The following NARS2 variants were observed in gnomAD, a reference collection of about 807,000 sequenced individuals.
The protein encoded by NARS2 is asparaginyl-tRNA synthetase 2, mitochondrial.
NARS2 carries 60 observed loss-of-function variants against 62.9 expected under a neutral mutation model. The ratio of observed to expected loss-of-function variants is 0.95; its 90% CI spans 0.77 to 1.18. The LOEUF (loss-of-function observed/expected upper bound fraction) is 1.18, where lower values mean the gene tolerates loss of function less well. NARS2 is among the 50% of genes most tolerant of loss of function. NARS2 has a pLI of 0.00. For missense variants in NARS2, 619 were observed against 576.4 expected (o/e 1.07, Z -0.76); for synonymous variants, 196 against 200.0 (o/e 0.98, Z 0.17).
chr11:78,510,458 C>T (rs1344990472), intron 6 of NARS2, among the ~76,000 whole-genome samples: 1 of 151,798 alleles, frequency 6.6e-6, no homozygotes, highest in East Asian at 1.9e-4. Flanking sequence ...TAATGATGGA[C>T]CATCAAATAT....
chr11:78,478,291 T>C (rs940100795), intron 9 of NARS2, 147 bp downstream of exon 9: 7 of 250,180 alleles, frequency 2.8e-5, no homozygotes, highest in Non-Finnish European at 7.7e-6. Context: ...ATCTGGGGAG[T>C]GTCTATATAT....
chr11:78,474,150 G>C (rs1858989060), intron 9 of NARS2, among the ~76,000 whole-genome samples: 1 of 152,156 alleles, frequency 6.6e-6, no homozygotes, highest in Non-Finnish European at 1.5e-5. Context: ...TGCAGAAAGA[G>C]TGTTTTCAAA....
At chr11:78,568,391 A>C (rs1856810462) in intron 3 of NARS2, among the ~76,000 whole-genome samples, 1 of 152,218 alleles carries the variant, frequency 6.6e-6, no homozygotes, top group Non-Finnish European at 1.5e-5. Context: ...CATGCTTGTA[A>C]AAGCAGCAAG....
intron 6 of NARS2, among the ~76,000 whole-genome samples, chr11:78,494,214 T>A (rs529525627): frequency 1.3e-5 from 2 of 152,324 alleles, no homozygotes; most frequent in South Asian, 4.1e-4. Context: ...CTTTAATACT[T>A]ATTGTTTCCC....
At chr11:78,529,574 ATT>A (rs1237905772) in intron 5 of NARS2, among the ~76,000 whole-genome samples, 2 of 152,204 alleles carry the variant, frequency 1.3e-5, no homozygotes, top group African/African-American at 4.8e-5. Context: ...GCCATTCAAC[ATT>A]TGTTAAGAGT....
intron 6 of NARS2, among the ~76,000 whole-genome samples, chr11:78,496,233 T>C (rs934210335): frequency 1.3e-5 from 2 of 152,250 alleles, no homozygotes; most frequent in South Asian, 4.1e-4. Flanking sequence ...ATGATCACCC[T>C]ATGTCAGTAT....
rs561797737 is a variant in NARS2 at position 78,479,360 on chromosome 11, AGCTGG to A, written c.823-682_823-678del. The stretch of plus-strand genomic sequence containing the variant: ...CTCTACAAAAATAAAAAGAAAAATT[AGCTGG>A]GCATAGTGGTGTGTGCACCTGTAGT... On this transcript the variant is annotated intron_variant, in intron 7 of 13. Coordinates refer to ENST00000281038, the MANE Select transcript of NARS2 (RefSeq NM_024678.6). 1.1e-4 allele frequency among the ~76,000 whole-genome samples: 17 copies of A among 152,274 alleles called. No individual in the cohort carries two copies. In the East Asian group the frequency reaches 3.1e-3, roughly 28 times the overall value.
chr11:78,479,509 C>CA (rs1457487918), intron 7 of NARS2, among the ~76,000 whole-genome samples: 1 of 151,648 alleles, frequency 6.6e-6, no homozygotes, highest in Non-Finnish European at 1.5e-5. Flanking sequence ...GATCCTGTCT[C>CA]AAAAAACAAC....
intron 5 of NARS2, chr11:78,558,391 C>T (rs1314835187): frequency 6.6e-6 from 1 of 152,138 alleles, no homozygotes; most frequent in Admixed American, 6.5e-5. Context: ...TAATATAAAG[C>T]ACCACCACCA....
At chr11:78,502,790 C>A (rs34523131) in intron 6 of NARS2, among the ~76,000 whole-genome samples, 1 of 152,004 alleles carries the variant, frequency 6.6e-6, no homozygotes, top group South Asian at 2.1e-4. Flanking sequence ...TGTCAGGAGT[C>A]TGAGACCAGC....
intron 7 of NARS2, among the ~76,000 whole-genome samples, chr11:78,482,448 T>C (rs913249647): frequency 6.6e-6 from 1 of 151,672 alleles, no homozygotes; most frequent in Non-Finnish European, 1.5e-5. Flanking sequence ...AAAAAATCAA[T>C]GAATCCAGGA....
intron 1 of NARS2, among the ~76,000 whole-genome samples, chr11:78,573,865 C>T (rs1320260764): frequency 6.6e-6 from 1 of 152,120 alleles, no homozygotes; most frequent in Non-Finnish European, 1.5e-5. Context: ...AGTCTTTCTC[C>T]GAATTCATTA....
At chr11:78,538,469 A>C (rs1855460796) in intron 5 of NARS2, among the ~76,000 whole-genome samples, 2 of 152,174 alleles carry the variant, frequency 1.3e-5, no homozygotes, top group Non-Finnish European at 2.9e-5. Context: ...AGATAATTAC[A>C]AGCTGGGATA....
intron 11 of NARS2, among the ~76,000 whole-genome samples, chr11:78,444,503 C>A (rs1318649029): frequency 6.6e-6 from 1 of 151,986 alleles, no homozygotes; most frequent in Non-Finnish European, 1.5e-5. Flanking sequence ...ACTGCCTGAG[C>A]TCAGGAGTTC....
intron 13 of NARS2, among the ~76,000 whole-genome samples, chr11:78,440,693 C>T (rs1008332733): frequency 7.2e-5 from 11 of 151,980 alleles, no homozygotes; most frequent in African/African-American, 2.4e-4. Context: ...CCACCATACC[C>T]GGCTAATTTT....
chr11:78,472,784 C>A (rs1430334862), intron 9 of NARS2, among the ~76,000 whole-genome samples: 1 of 152,182 alleles, frequency 6.6e-6, no homozygotes, highest in Non-Finnish European at 1.5e-5. Flanking sequence ...ATAGTAGATT[C>A]AGCTACACCA....
intron 1 of NARS2, among the ~76,000 whole-genome samples, chr11:78,573,772 TAAG>T (rs1466124706): frequency 1.3e-5 from 2 of 152,180 alleles, no homozygotes; most frequent in Non-Finnish European, 2.9e-5. Flanking sequence ...AAGAGGAAAA[TAAG>T]GTGTAGAACG....
chr11:78,508,693 A>G (rs983760539), intron 6 of NARS2, among the ~76,000 whole-genome samples: 2 of 152,220 alleles, frequency 1.3e-5, no homozygotes, highest in Admixed American at 6.5e-5. Flanking sequence ...AAGAAGTTCA[A>G]TGAACTCCAA....
At chr11:78,454,813 T>C (rs1373607584) in intron 11 of NARS2, among the ~76,000 whole-genome samples, 1 of 152,060 alleles carries the variant, frequency 6.6e-6, no homozygotes, top group African/African-American at 2.4e-5. Context: ...AGAGACAGGT[T>C]TCACCATGTT....
Sources: gnomAD v4.1 joint callset for allele counts (sites outside exome capture counted in the v4.1 genomes callset) on GRCh38, gnomAD v4.1.1 for gene constraint, MANE v1.5 for transcripts, NCBI Gene and HGNC (gene_info 2026-07-23, HGNC 2026-07-21) for gene names.